Variants in FOXB1 observed in about 807,000 individuals in gnomAD.
FOXB1 encodes forkhead box B1, also known as forkhead box protein B1.
A neutral mutation model predicts 18.6 loss-of-function variants in FOXB1; 6 were observed. The ratio of observed to expected loss-of-function variants is 0.32; its 90% CI spans 0.18 to 0.64. The LOEUF is 0.64. Ranked by LOEUF, FOXB1 falls within the 30% of genes least tolerant of loss-of-function variation. The pLI is 0.78. For missense variants in FOXB1, 419 were observed against 463.6 expected (o/e 0.90, Z 0.88); for synonymous variants, 213 against 216.0 (o/e 0.99, Z 0.12).
chr15:60,006,928 AAAAAG>A lies in FOXB1; in HGVS notation c.*990_*994del, dbSNP rs1193987465. 81 of 151,740 alleles carry A rather than the reference AAAAAG, an allele frequency of 5.3e-4. No homozygotes were observed. Among genetic ancestry groups the A allele is most frequent in the African/African-American group, 1.9e-3 (80 of 41,450 alleles). The allele number at this position is 151,740 out of a possible 1,614,324, so 9.4% of individuals were successfully genotyped here. On this transcript the variant is annotated 3_prime_UTR_variant, in exon 2 of 2. Coordinates refer to ENST00000396057, the MANE Select transcript of FOXB1 (RefSeq NM_012182.3). ...TTTATTGTTGGGAAAAAAAAAAAAA[AAAAAG>A]AAGGAAAGAAAATGAAATAAGCCCA...
rs745932378 is a variant in FOXB1, at chr15:60,005,698, G to C, written c.735G>C (p.Leu245Phe). Residue 245 changes from leucine to phenylalanine, a missense_variant, in exon 2 of 2, where the codon TTG (leucine) becomes TTC (phenylalanine). By Grantham distance (22) the Leu-to-Phe change is conservative (BLOSUM62 0). Transcript: ENST00000396057. The surrounding 1 kb of genome is among the most constrained non-coding windows in gnomAD (Gnocchi z 9.8). Reference protein sequence around the residue: ...SGDYSAYGVPLKPLCHAAGQT... With the variant: ...SGDYSAYGVPFKPLCHAAGQT... ...ACTACAGCGCCTACGGCGTGCCGTT[G>C]AAGCCGCTGTGCCACGCGGCGGGCC... is the stretch of plus-strand genomic sequence containing the variant. The C allele has an allele frequency of 6.2e-7, 1 of 1,604,188 alleles. No individual in the cohort carries two copies. Among genetic ancestry groups the C allele is most frequent in the African/African-American group, 1.3e-5 (1 of 74,822 alleles).
rs1464394664 is a variant in FOXB1, at chr15:60,005,598, G to T, written c.635G>T (p.Gly212Val). The change falls in exon 2 of 2, where the codon GGC (glycine) becomes GTC (valine). Residue 212 changes from glycine to valine, a missense_variant. Gly to Val is a moderately radical substitution (Grantham distance 109, BLOSUM62 -3). Coordinates refer to ENST00000396057, the MANE Select transcript of FOXB1 (RefSeq NM_012182.3). This position sits in a 1 kb window ranked among gnomAD's most constrained non-coding sequence, Gnocchi z 9.8. ...TTGACTACCATGGGCAGCTCGCTGG[G>T]CACCGGCTGGCCACACGTGTATGGC... ...NQLTTMGSSL[G>V]TGWPHVYGSA... 2.5e-6 allele frequency: 4 copies of T among 1,606,508 alleles called. No individual in the cohort carries two copies. The highest frequency in any genetic ancestry group is 3.4e-6 in the Non-Finnish European group (4 of 1,177,528).
rs577260397 is a variant in FOXB1 at position 60,006,755 on chromosome 15, G to A, written c.*814G>A. On this transcript the variant is annotated 3_prime_UTR_variant, in exon 2 of 2. Transcript: ENST00000396057. ...AATCTGTCTTGCTAGGCGGACGAACGGGCAAAGCCCACATTATAAGTACCT... is the reference window on the plus strand; with the variant it reads ...AATCTGTCTTGCTAGGCGGACGAACAGGCAAAGCCCACATTATAAGTACCT... 60 of 152,316 alleles carry A rather than the reference G, an allele frequency of 3.9e-4. No individual in the cohort carries two copies. The highest frequency in any genetic ancestry group is 1.4e-3 in the African/African-American group (60 of 41,568). 9.4% of individuals were successfully genotyped at this position (152,316 alleles called of 1,614,324 possible).
rs1892064382 is a variant in FOXB1 at position 60,004,468 on chromosome 15, TCGCGGACCGGG to T, written c.-230_-220del. 6.6e-6 allele frequency: 1 copy of T among 152,052 alleles called. No individual in the cohort carries two copies. Among genetic ancestry groups the T allele is most frequent in the African/African-American group, 2.4e-5 (1 of 41,314 alleles). 9.4% of individuals were successfully genotyped at this position (152,052 alleles called of 1,614,324 possible). On this transcript the variant is annotated 5_prime_UTR_variant, in exon 1 of 2. Transcript: ENST00000396057. The stretch of plus-strand genomic sequence containing the variant: ...CCGCCCGCAGGACGCTCCAGGAGCG[TCGCGGACCGGG>T]CGGCACGGGACGCTGCGGGGCTGAG...
At position 60,007,105 on chromosome 15, in the gene FOXB1, A is replaced by G. The variant is rs1031246228; in HGVS notation, c.*1164A>G. On this transcript the variant is annotated 3_prime_UTR_variant, in exon 2 of 2. Transcript: ENST00000396057. The stretch of plus-strand genomic sequence containing the variant: ...CAAGAAGCTAAAGGGCTGCAAAGAG[A>G]TGTAAATACTTGTGAATAGGAATGA... 1.3e-5 allele frequency: 2 copies of G among 152,154 alleles called. No homozygotes were observed. The highest frequency in any genetic ancestry group is 4.8e-5 in the African/African-American group (2 of 41,420). The allele number at this position is 152,154 out of a possible 1,614,324, so 9.4% of individuals were successfully genotyped here. A position where few individuals can be genotyped will look rare whatever the true frequency, so the allele number is the denominator to read the frequency against.
rs779731989 is a variant in FOXB1 at position 60,005,093 on chromosome 15, A to G, written c.130A>G (p.Met44Val). The change falls in exon 2 of 2, where the codon ATG becomes GTG. Residue 44 changes from methionine to valine, a missense_variant. Transcript: ENST00000396057. This position sits in a 1 kb window ranked among gnomAD's most constrained non-coding sequence, Gnocchi z 9.8. ...LPLSEIYKFI[M>V]DRFPYYRENT... ...GCTGAGCGAGATCTACAAGTTCATC[A>G]TGGACCGCTTCCCCTACTACAGGGA... 4 of 1,613,998 alleles carry G rather than the reference A, an allele frequency of 2.5e-6. No homozygotes were observed. The highest frequency in any genetic ancestry group is 2.2e-5 in the East Asian group (1 of 44,892).
chr15:60,004,826 GTCTGTTACTC>G, intron 1 of FOXB1, 71 bp from the exon 2 acceptor site: 1 of 541,396 alleles, frequency 1.8e-6, no homozygotes, highest in Non-Finnish European at 2.8e-6. Context: ...GACCCCCGAA[GTCTGTTACTC>G]GGTCTGGCTG....
chr15:60,005,907 C>T lies in FOXB1; in HGVS notation c.944C>T (p.Pro315Leu). 1 of 1,593,158 alleles carries T rather than the reference C, an allele frequency of 6.3e-7. No individual in the cohort carries two copies. Among genetic ancestry groups the T allele is most frequent in the East Asian group, 2.3e-5 (1 of 43,774 alleles). ...PATPSETLTS[P>L]ASALHSVAVH Reference sequence around the variant, plus strand: ...ACCCCCAGCGAAACGCTCACCAGCCCGGCCTCCGCCTTGCACTCGGTGGCG... The same window carrying T: ...ACCCCCAGCGAAACGCTCACCAGCCTGGCCTCCGCCTTGCACTCGGTGGCG... Residue 315 changes from proline (P) to leucine (L), a missense_variant, in exon 2 of 2, where the codon CCG becomes CTG. Pro to Leu is a moderately conservative substitution (Grantham distance 98). Around this residue, in one of 3 missense-constraint regions of FOXB1, gnomAD observed 195 missense variants for 179.8 expected, o/e 1.08. Coordinates refer to ENST00000396057, the MANE Select transcript of FOXB1 (RefSeq NM_012182.3). This position sits in a 1 kb window ranked among gnomAD's most constrained non-coding sequence, Gnocchi z 9.8.
At position 60,006,712 on chromosome 15, in the gene FOXB1, A is replaced by T. The variant is rs1478977818; in HGVS notation, c.*771A>T. The T allele has an allele frequency of 2.0e-5, 3 of 152,246 alleles. No individual in the cohort carries two copies. The highest frequency in any genetic ancestry group is 4.4e-5 in the Non-Finnish European group (3 of 68,042). 9.4% of individuals were successfully genotyped at this position (152,246 alleles called of 1,614,324 possible). The stretch of plus-strand genomic sequence containing the variant: ...TATTGTTTACAAAGCGCCCAGTAAT[A>T]TGTAAACAGTGAACTTGAATCTGTC... On this transcript the variant is annotated 3_prime_UTR_variant, in exon 2 of 2. Transcript: ENST00000396057.
rs1892089250 is a variant in FOXB1, at chr15:60,005,837, A to C, written c.874A>C (p.Ser292Arg). ...GCTCTCGAACTCGCCGCCCTCGCTCAGCCCCACGTCCTCGCAAACAGCCAC... is the reference window on the plus strand; with the variant it reads ...GCTCTCGAACTCGCCGCCCTCGCTCCGCCCCACGTCCTCGCAAACAGCCAC... ...TLLSNSPPSL[S>R]PTSSQTATSQ... The change falls in exon 2 of 2, where the codon AGC becomes CGC. Residue 292 changes from serine to arginine, a missense_variant. Physicochemically the swap from Ser to Arg is moderately radical, Grantham distance 110. Transcript: ENST00000396057. This position sits in a 1 kb window ranked among gnomAD's most constrained non-coding sequence, Gnocchi z 9.8. The C allele has an allele frequency of 1.9e-6, 3 of 1,603,882 alleles. No homozygotes were observed. Among genetic ancestry groups the C allele is most frequent in the Non-Finnish European group, 2.6e-6 (3 of 1,176,326 alleles).
In FOXB1 at chr15:60,005,486, A is replaced by G; in HGVS notation, c.523A>G (p.Ile175Val). 6.2e-7 allele frequency: 1 copy of G among 1,612,078 alleles called. No homozygotes were observed. Among genetic ancestry groups the G allele is most frequent in the Non-Finnish European group, 8.5e-7 (1 of 1,179,680 alleles). ...GFKHPFAIENIIAREYKMPGG... is the reference protein window; with the variant it reads ...GFKHPFAIENVIAREYKMPGG... ...CAAGCACCCCTTCGCCATCGAGAAC[A>G]TCATCGCGCGGGAATACAAGATGCC... The change falls in exon 2 of 2, where the codon ATC becomes GTC. Residue 175 changes from isoleucine to valine, a missense_variant. This residue lies in a region of FOXB1 where 71 missense variants were observed against 110.0 expected (regional missense o/e 0.65). Coordinates refer to ENST00000396057, the MANE Select transcript of FOXB1 (RefSeq NM_012182.3). The surrounding 1 kb of genome is among the most constrained non-coding windows in gnomAD (Gnocchi z 9.8).
In FOXB1 at chr15:60,007,423, C is replaced by T. The variant is rs1892113055; in HGVS notation, c.*1482C>T. 1 of 152,140 alleles carries T rather than the reference C, an allele frequency of 6.6e-6. No individual in the cohort carries two copies. The highest frequency in any genetic ancestry group is 6.5e-5 in the Admixed American group (1 of 15,276). The allele number at this position is 152,140 out of a possible 1,614,324, so 9.4% of individuals were successfully genotyped here. On this transcript the variant is annotated 3_prime_UTR_variant, in exon 2 of 2. Transcript: ENST00000396057. ...TGACCTAGTCCAAATAATATTTTCT[C>T]ATTAAAATATGTAAATTCAAATTTT...
At position 60,005,690 on chromosome 15, in the gene FOXB1, G is replaced by C. The variant is rs771478501; in HGVS notation, c.727G>C (p.Val243Leu). The change falls in exon 2 of 2, where the codon GTG becomes CTG. Residue 243 changes from valine (V) to leucine (L), a missense_variant. Val to Leu is a conservative substitution (Grantham distance 32, BLOSUM62 1). Around this residue, in one of 3 missense-constraint regions of FOXB1, gnomAD observed 195 missense variants for 179.8 expected, o/e 1.08. Transcript: ENST00000396057. This position sits in a 1 kb window ranked among gnomAD's most constrained non-coding sequence, Gnocchi z 9.8. ...MASGDYSAYG[V>L]PLKPLCHAAG... ...GAGTGGCGACTACAGCGCCTACGGC[G>C]TGCCGTTGAAGCCGCTGTGCCACGC... The C allele has an allele frequency of 2.1e-5, 34 of 1,605,932 alleles. No homozygotes were observed. The East Asian group carries it at 6.5e-4, about 31-fold the overall frequency.
Position 60,006,368 on chromosome 15 carries a change from T to C in FOXB1, c.*427T>C. ...TGCCTCAGATGTTTCCAGGAACAGATCCCCCCCACACCCCCTCCCCGCGAG... is the reference window on the plus strand; with the variant it reads ...TGCCTCAGATGTTTCCAGGAACAGACCCCCCCCACACCCCCTCCCCGCGAG... On this transcript the variant is annotated 3_prime_UTR_variant, in exon 2 of 2. Transcript: ENST00000396057. 7.8e-6 allele frequency: 1 copy of C among 128,470 alleles called. No homozygotes were observed. The highest frequency in any genetic ancestry group is 1.8e-5 in the Non-Finnish European group (1 of 55,650). The allele number at this position is 128,470 out of a possible 1,614,324, so 8.0% of individuals were successfully genotyped here.
At position 60,006,509 on chromosome 15, in the gene FOXB1, C is replaced by G. The variant is rs975374474; in HGVS notation, c.*568C>G. On this transcript the variant is annotated 3_prime_UTR_variant, in exon 2 of 2. Transcript: ENST00000396057. ...TCCGCCCATCCGGCAGGGGCTGGGC[C>G]GACCACAGCTTCCCGGGGTTGCGGC... The G allele has an allele frequency of 1.3e-5, 2 of 152,450 alleles. No homozygotes were observed. The highest frequency in any genetic ancestry group is 2.9e-5 in the Non-Finnish European group (2 of 68,214). The allele number at this position is 152,450 out of a possible 1,614,324, so 9.4% of individuals were successfully genotyped here. A position where few individuals can be genotyped will look rare whatever the true frequency, so the allele number is the denominator to read the frequency against.
Position 60,005,583 on chromosome 15 carries a change from T to C in FOXB1, c.620T>C (p.Met207Thr), listed in dbSNP as rs1205259193. ...AYPLPNQLTT[M>T]GSSLGTGWPH... ...CCGCTCCCCAACCAGTTGACTACCATGGGCAGCTCGCTGGGCACCGGCTGG... is the reference window on the plus strand; with the variant it reads ...CCGCTCCCCAACCAGTTGACTACCACGGGCAGCTCGCTGGGCACCGGCTGG... Residue 207 changes from methionine to threonine, a missense_variant, in exon 2 of 2, where the codon ATG (methionine) becomes ACG (threonine). Around this residue, in one of 3 missense-constraint regions of FOXB1, gnomAD observed 195 missense variants for 179.8 expected, o/e 1.08. Transcript: ENST00000396057. The surrounding 1 kb of genome is among the most constrained non-coding windows in gnomAD (Gnocchi z 9.8). The C allele has an allele frequency of 3.1e-6, 5 of 1,608,586 alleles. No homozygotes were observed. Among genetic ancestry groups the C allele is most frequent in the East Asian group, 2.2e-5 (1 of 44,720 alleles).
rs1892112719 is a variant in FOXB1, at chr15:60,007,393, A to C, written c.*1452A>C. The stretch of plus-strand genomic sequence containing the variant: ...TTAAAAAAAAAGGGTGTCTACATTA[A>C]ATTATGACCTAGTCCAAATAATATT... On this transcript the variant is annotated 3_prime_UTR_variant, in exon 2 of 2. Transcript: ENST00000396057. 6.6e-6 allele frequency: 1 copy of C among 152,248 alleles called. No individual in the cohort carries two copies. The highest frequency in any genetic ancestry group is 1.5e-5 in the Non-Finnish European group (1 of 68,050). 9.4% of individuals were successfully genotyped at this position (152,248 alleles called of 1,614,324 possible). A position where few individuals can be genotyped will look rare whatever the true frequency, so the allele number is the denominator to read the frequency against.
In FOXB1 at chr15:60,006,366, G is replaced by GC; in HGVS notation, c.*425_*426insC. 5.6e-6 allele frequency: 1 copy of GC among 179,322 alleles called. No homozygotes were observed. The highest frequency in any genetic ancestry group is 1.1e-5 in the Non-Finnish European group (1 of 87,098). 11.1% of individuals were successfully genotyped at this position (179,322 alleles called of 1,614,324 possible). A position where few individuals can be genotyped will look rare whatever the true frequency, so the allele number is the denominator to read the frequency against. On this transcript the variant is annotated 3_prime_UTR_variant, in exon 2 of 2. Coordinates refer to ENST00000396057, the MANE Select transcript of FOXB1 (RefSeq NM_012182.3). ...ACTGCCTCAGATGTTTCCAGGAACA[G>GC]ATCCCCCCCACACCCCCTCCCCGCG...
In FOXB1 at chr15:60,005,199, A is replaced by C; in HGVS notation, c.236A>C (p.Asp79Ala). Residue 79 changes from aspartate (D) to alanine (A), a missense_variant, in exon 2 of 2, where the codon GAC becomes GCC. By Grantham distance (126) the Asp-to-Ala change is moderately radical. Coordinates refer to ENST00000396057, the MANE Select transcript of FOXB1 (RefSeq NM_012182.3). This position sits in a 1 kb window ranked among gnomAD's most constrained non-coding sequence, Gnocchi z 9.8. The part of the protein sequence containing the change: ...DCFIKIPRRP[D>A]QPGKGSFWAL... ...TTCATCAAGATCCCGCGGCGGCCGG[A>C]CCAGCCAGGCAAGGGCAGCTTCTGG... 1 of 1,614,110 alleles carries C rather than the reference A, an allele frequency of 6.2e-7. No homozygotes were observed. Among genetic ancestry groups the C allele is most frequent in the Non-Finnish European group, 8.5e-7 (1 of 1,180,032 alleles).
Sources: allele counts gnomAD v4.1 joint callset, GRCh38; gene constraint gnomAD v4.1.1; regional missense constraint gnomAD v4.1.1; non-coding constraint Gnocchi (gnomAD v3.1); transcripts MANE v1.5; gene names NCBI Gene and HGNC (gene_info 2026-07-23, HGNC 2026-07-21).